TNRC6B: variants seen among roughly 807,000 people sequenced by gnomAD.
TNRC6B encodes trinucleotide repeat containing adaptor 6B, also known as trinucleotide repeat-containing gene 6B protein.
A neutral mutation model predicts 203.6 loss-of-function variants in TNRC6B; 52 were observed. The ratio of observed to expected loss-of-function variants is 0.26; its 90% CI spans 0.20 to 0.32. The LOEUF (loss-of-function observed/expected upper bound fraction) is 0.32. TNRC6B is among the 10% of genes least tolerant of loss of function. The pLI, the probability that TNRC6B is intolerant of heterozygous loss-of-function variation, is 1.00. For missense variants in TNRC6B, 1,923 were observed against 2,286.2 expected (o/e 0.84, Z 3.24); for synonymous variants, 838 against 845.7 (o/e 0.99, Z 0.16).
chr22:40,174,474 C>T (rs1015212438), upstream of TNRC6B, among the ~76,000 whole-genome samples: 7 of 152,162 alleles, frequency 4.6e-5, no homozygotes, highest in Non-Finnish European at 8.8e-5. Context: ...AGCCACCATG[C>T]CTGGCCAATC....
At chr22:40,250,456 A>G (rs1009568534) in intron 2 of TNRC6B, among the ~76,000 whole-genome samples, 4 of 151,870 alleles carry the variant, frequency 2.6e-5, no homozygotes, top group Non-Finnish European at 5.9e-5. Flanking sequence ...ATATAAAGAA[A>G]TACTTTCTTT....
intron 1 of TNRC6B, among the ~76,000 whole-genome samples, chr22:40,206,638 AT>A (rs1396951807): frequency 2.8e-4 from 42 of 152,250 alleles, no homozygotes; most frequent in African/African-American, 9.4e-4. Flanking sequence ...AAGTGGGAGG[AT>A]TTAACCTGCT....
At chr22:40,271,646 C>T (rs1406541772) in intron 6 of TNRC6B, among the ~76,000 whole-genome samples, 2 of 151,916 alleles carry the variant, frequency 1.3e-5, no homozygotes, top group Admixed American at 6.6e-5. Context: ...TTAATCAGAC[C>T]CTGGGCACAA....
At chr22:40,303,901 C>A (rs1270512080) in intron 15 of TNRC6B, among the ~76,000 whole-genome samples, 1 of 152,180 alleles carries the variant, frequency 6.6e-6, no homozygotes, top group South Asian at 2.1e-4. Flanking sequence ...CAGAGCAAGA[C>A]TCCGTCTCAA....
At chr22:40,087,714 T>C (rs1373065778) in intron 1 of TNRC6B, among the ~76,000 whole-genome samples, 1 of 152,118 alleles carries the variant, frequency 6.6e-6, no homozygotes, top group African/African-American at 2.4e-5. Context: ...GCTAGCTATG[T>C]GTGAAGGTCC....
intron 1 of TNRC6B, among the ~76,000 whole-genome samples, chr22:40,216,171 GCTT>G (rs2069632248): frequency 6.6e-6 from 1 of 152,206 alleles, no homozygotes; most frequent in Non-Finnish European, 1.5e-5. Context: ...TGCCCCGTCT[GCTT>G]CTTACCTAGT....
At chr22:40,317,962 T>A (rs1218579897) in intron 21 of TNRC6B, among the ~76,000 whole-genome samples, 1 of 152,222 alleles carries the variant, frequency 6.6e-6, no homozygotes, top group Non-Finnish European at 1.5e-5. Context: ...AGTGTTGTCA[T>A]GAGATATGAT....
At chr22:40,102,808 G>T (rs919831074) in intron 1 of TNRC6B, among the ~76,000 whole-genome samples, 1 of 152,074 alleles carries the variant, frequency 6.6e-6, no homozygotes, top group Non-Finnish European at 1.5e-5. Context: ...ACTGCGCGTG[G>T]TGGCTCACAC....
chr22:40,233,170 G>C (rs189449942), intron 1 of TNRC6B, among the ~76,000 whole-genome samples: 1 of 151,644 alleles, frequency 6.6e-6, no homozygotes, highest in Admixed American at 6.6e-5. Flanking sequence ...GAAAAGAAAA[G>C]AAATTAGCCA....
intron 12 of TNRC6B, among the ~76,000 whole-genome samples, chr22:40,294,707 C>G (rs992869924): frequency 6.6e-6 from 1 of 152,200 alleles, no homozygotes; most frequent in African/African-American, 2.4e-5. Flanking sequence ...CAGAATATAT[C>G]TATACTCACC....
chr22:40,118,376 C>A (rs985505236), intron 2 of TNRC6B, among the ~76,000 whole-genome samples: 2 of 152,160 alleles, frequency 1.3e-5, no homozygotes, highest in Admixed American at 6.5e-5. Flanking sequence ...AACACCTTTT[C>A]CTGCACAGCT....
At chr22:40,080,328 A>G (rs2068054767) in intron 1 of TNRC6B, among the ~76,000 whole-genome samples, 1 of 151,862 alleles carries the variant, frequency 6.6e-6, no homozygotes, top group Non-Finnish European at 1.5e-5. Context: ...TCAAAATGCC[A>G]CATTTATTAT....
chr22:40,051,958 A>G (rs1014849726), intron 1 of TNRC6B, among the ~76,000 whole-genome samples: 6 of 152,216 alleles, frequency 3.9e-5, no homozygotes, highest in East Asian at 1.9e-4. Flanking sequence ...GTTCAGAGTA[A>G]CCACATTTCA....
chr22:40,146,738 T>C (rs2068698902), intron 3 of TNRC6B, among the ~76,000 whole-genome samples: 2 of 152,136 alleles, frequency 1.3e-5, no homozygotes, highest in South Asian at 4.1e-4. Flanking sequence ...TTTTTGTGTG[T>C]GTTTGTAGTA....
chr22:40,308,437 G>A lies in TNRC6B; in HGVS notation c.4121-75G>A. 10 of 1,525,944 alleles carry A rather than the reference G, an allele frequency of 6.6e-6. No homozygotes were observed. In the South Asian group the frequency reaches 1.1e-4, roughly 17 times the overall value. 94.5% of individuals were successfully genotyped at this position (1,525,944 alleles called of 1,614,324 possible). On this transcript the variant is annotated intron_variant, in intron 15 of 22. Coordinates refer to ENST00000454349, the MANE Select transcript of TNRC6B (RefSeq NM_001162501.2). ...ATTAGTCTTTGAATGACACTTGAAGGCATTCCTGGACTCTGCTTCAGAACT... is the reference window on the plus strand; with the variant it reads ...ATTAGTCTTTGAATGACACTTGAAGACATTCCTGGACTCTGCTTCAGAACT...
At chr22:40,196,536 G>A (rs1056987901) in intron 1 of TNRC6B, among the ~76,000 whole-genome samples, 2 of 152,002 alleles carry the variant, frequency 1.3e-5, no homozygotes, top group Non-Finnish European at 2.9e-5. Flanking sequence ...AGTCAGGGTA[G>A]AAAAAACAGC....
chr22:40,184,834 A>C (rs2069179299), intron 1 of TNRC6B, among the ~76,000 whole-genome samples: 1 of 152,048 alleles, frequency 6.6e-6, no homozygotes, highest in South Asian at 2.1e-4. Flanking sequence ...CCATTCGTTG[A>C]GTTAGGGTGC....
chr22:40,047,844 C>A (rs750456046), intron 1 of TNRC6B, among the ~76,000 whole-genome samples: 1 of 152,144 alleles, frequency 6.6e-6, no homozygotes, highest in Non-Finnish European at 1.5e-5. Flanking sequence ...TTTTTCTATC[C>A]AGCACAGTGC....
chr22:40,099,031 C>T (rs1363162498), intron 1 of TNRC6B, among the ~76,000 whole-genome samples: 1 of 152,126 alleles, frequency 6.6e-6, no homozygotes, highest in African/African-American at 2.4e-5. Flanking sequence ...GCGGATGGAT[C>T]ACAAGGTCAG....
Sources: gnomAD v4.1 joint callset for allele counts (sites outside exome capture counted in the v4.1 genomes callset) on GRCh38, gnomAD v4.1.1 for gene constraint, MANE v1.5 for transcripts, NCBI Gene and HGNC (gene_info 2026-07-23, HGNC 2026-07-21) for gene names.